Variants in DCC observed in about 807,000 individuals in gnomAD.
DCC encodes DCC netrin 1 receptor.
In DCC, 58 loss-of-function variants were observed where a neutral mutation model predicts 172.5. The ratio of observed to expected loss-of-function variants is 0.34; its 90% CI spans 0.27 to 0.42. DCC has a LOEUF of 0.42. DCC is among the 10% of genes least tolerant of loss of function. The pLI is 1.00. For missense variants in DCC, 1,740 were observed against 1,791.0 expected (o/e 0.97, Z 0.51); for synonymous variants, 709 against 644.5 (o/e 1.10, Z -1.52).
chr18:53,103,503 A>G (rs1383964230), intron 7 of DCC, among the ~76,000 whole-genome samples: 1 of 152,038 alleles, frequency 6.6e-6, no homozygotes, highest in Non-Finnish European at 1.5e-5. Flanking sequence ...TCAGCTTCCA[A>G]GTAGCTAGAA....
intron 14 of DCC, among the ~76,000 whole-genome samples, chr18:53,324,387 CAATA>C (rs2057444261): frequency 6.6e-6 from 1 of 152,098 alleles, no homozygotes; most frequent in African/African-American, 2.4e-5. Context: ...AGAGATAAAA[CAATA>C]AATAAAGTCT....
chr18:53,192,178 A>G (rs992095934), intron 9 of DCC, among the ~76,000 whole-genome samples: 1 of 152,172 alleles, frequency 6.6e-6, no homozygotes, highest in African/African-American at 2.4e-5. Context: ...TTTCCATTGC[A>G]TGCATGTATG....
At chr18:52,702,192 G>T (rs1337016189) in intron 1 of DCC, among the ~76,000 whole-genome samples, 1 of 151,880 alleles carries the variant, frequency 6.6e-6, no homozygotes, top group African/African-American at 2.4e-5. Flanking sequence ...CTTTTCTTTG[G>T]CCTCCCTGCT....
intron 7 of DCC, among the ~76,000 whole-genome samples, chr18:53,115,909 A>G (rs559303453): frequency 2.4e-4 from 36 of 151,492 alleles, no homozygotes; most frequent in Non-Finnish European, 4.7e-4. Context: ...TTTACCAATA[A>G]TCTCGAGAAT....
chr18:53,351,341 A>ATATATACTGTG (rs2057797646), intron 15 of DCC, among the ~76,000 whole-genome samples: 1 of 75,994 alleles, frequency 1.3e-5, no homozygotes, highest in Non-Finnish European at 2.9e-5. Context: ...TACAGTGTAT[A>ATATATACTGTG]TATATATACA....
intron 5 of DCC, among the ~76,000 whole-genome samples, chr18:52,993,683 A>G (rs1341342024): frequency 6.6e-6 from 1 of 152,110 alleles, no homozygotes; most frequent in African/African-American, 2.4e-5. Context: ...AGGAAGTAAT[A>G]TGGATTGGGG....
At chr18:53,511,296 G>T (rs964142113) in intron 27 of DCC, among the ~76,000 whole-genome samples, 41 of 152,186 alleles carry the variant, frequency 2.7e-4, no homozygotes, top group African/African-American at 9.9e-4. Flanking sequence ...GGAGTAGGTG[G>T]AAGACCTCTT....
chr18:52,364,599 T>G (rs962405489), intron 1 of DCC, among the ~76,000 whole-genome samples: 1 of 152,238 alleles, frequency 6.6e-6, no homozygotes, highest in Non-Finnish European at 1.5e-5. Flanking sequence ...CCTCCGAAGA[T>G]CCTCTAGCTT....
chr18:53,465,751 T>TTTTA (rs3061298), intron 24 of DCC, among the ~76,000 whole-genome samples: 6,909 of 151,398 alleles, frequency 0.046, 426 homozygotes, highest in African/African-American at 0.14. Context: ...TTTCTATTCT[T>TTTTA]TTTATTTATT....
chr18:53,438,378 T>G (rs1912077933), intron 22 of DCC, among the ~76,000 whole-genome samples: 1 of 152,214 alleles, frequency 6.6e-6, no homozygotes, highest in Admixed American at 6.5e-5. Context: ...TTAAACTGCA[T>G]GTCCAAAAGG....
chr18:52,556,015 T>C (rs1179220569), intron 1 of DCC, among the ~76,000 whole-genome samples: 1 of 152,182 alleles, frequency 6.6e-6, no homozygotes, highest in Non-Finnish European at 1.5e-5. Flanking sequence ...CATCCATTGG[T>C]GTCTATCCTT....
intron 2 of DCC, among the ~76,000 whole-genome samples, chr18:52,834,794 T>C (rs1016107235): frequency 1.3e-5 from 2 of 152,208 alleles, no homozygotes; most frequent in African/African-American, 4.8e-5. Context: ...GAGTAATTTA[T>C]AATTATCCAA....
At chr18:52,650,063 C>T (rs532661758) in intron 1 of DCC, among the ~76,000 whole-genome samples, 5 of 148,946 alleles carry the variant, frequency 3.4e-5, no homozygotes, top group African/African-American at 1.2e-4. Context: ...ACCGCAACCT[C>T]TGCCTCCTGG....
intron 1 of DCC, among the ~76,000 whole-genome samples, chr18:52,347,389 A>G (rs1172970837): frequency 1.3e-5 from 2 of 152,186 alleles, no homozygotes; most frequent in African/African-American, 4.8e-5. Context: ...AATAGATACA[A>G]TACATCACTA....
At chr18:52,610,660 G>A (rs187982500) in intron 1 of DCC, among the ~76,000 whole-genome samples, 5 of 152,062 alleles carry the variant, frequency 3.3e-5, no homozygotes, top group East Asian at 1.9e-4. Context: ...AAATATTTTC[G>A]GCTTTGTGAG....
At chr18:53,010,208 A>G (rs2041707807) in intron 5 of DCC, among the ~76,000 whole-genome samples, 1 of 151,952 alleles carries the variant, frequency 6.6e-6, no homozygotes, top group Non-Finnish European at 1.5e-5. Flanking sequence ...ATCTGTTGTC[A>G]TGATTGAAAA....
At chr18:52,359,569 T>C (rs540150621) in intron 1 of DCC, among the ~76,000 whole-genome samples, 1 of 152,224 alleles carries the variant, frequency 6.6e-6, no homozygotes, top group South Asian at 2.1e-4. Context: ...CTTCTTTCTC[T>C]GGAAAGTAGG....
chr18:52,692,077 T>C (rs1005745662), intron 1 of DCC, among the ~76,000 whole-genome samples: 2 of 152,160 alleles, frequency 1.3e-5, no homozygotes, highest in Admixed American at 1.3e-4. Flanking sequence ...CTGTTAGTGA[T>C]GTGAGCTTGT....
intron 1 of DCC, among the ~76,000 whole-genome samples, chr18:52,476,328 G>C (rs1430862913): frequency 2.0e-5 from 3 of 152,114 alleles, no homozygotes; most frequent in Non-Finnish European, 4.4e-5. Flanking sequence ...ACAAACCTTA[G>C]ATTTAGATTT....
Sources: allele counts gnomAD v4.1 joint callset (sites outside exome capture counted in the v4.1 genomes callset), GRCh38; gene constraint gnomAD v4.1.1; transcripts MANE v1.5; gene names NCBI Gene and HGNC (gene_info 2026-07-23, HGNC 2026-07-21).